Variants in DSG1 observed in about 807,000 individuals in gnomAD.
DSG1 encodes desmoglein-1.
A neutral mutation model predicts 97.5 loss-of-function variants in DSG1; 39 were observed. That is an observed-to-expected ratio of 0.40 (90% CI 0.31 to 0.52). The LOEUF (loss-of-function observed/expected upper bound fraction) is 0.52. DSG1 is among the 20% of genes least tolerant of loss of function. The pLI is 0.53. For missense variants in DSG1, 1,311 were observed against 1,295.4 expected (o/e 1.01, Z -0.18); for synonymous variants, 475 against 443.4 (o/e 1.07, Z -0.90).
At position 31,355,103 on chromosome 18, in the gene DSG1, G is replaced by T. The variant is rs766364666; in HGVS notation, c.2907G>T (p.Gly969=). 6.2e-7 allele frequency: 1 copy of T among 1,614,090 alleles called. No homozygotes were observed. The highest frequency in any genetic ancestry group is 1.1e-5 in the South Asian group (1 of 91,080). The stretch of plus-strand genomic sequence containing the variant: ...TAACTGGAATTAGTGGCACCACTGG[G>T]ATCAGCGGTGGCATAGGCAGCAGTG... ...AGVTGISGTT[G]ISGGIGSSGL... The change falls in exon 15 of 15, where the codon GGG becomes GGT. Residue 969 remains glycine, a synonymous_variant. Transcript: ENST00000257192.
intron 1 of DSG1, among the ~76,000 whole-genome samples, chr18:31,325,187 T>A (rs2071678409): frequency 9.9e-5 from 15 of 152,158 alleles, no homozygotes; most frequent in Admixed American, 9.8e-4. Context: ...CAAATCCAGT[T>A]GAGAGTCTGA....
In DSG1 at chr18:31,354,865, C is replaced by G; in HGVS notation, c.2669C>G (p.Ser890Trp). The G allele has an allele frequency of 6.2e-7, 1 of 1,614,034 alleles. No homozygotes were observed. Among genetic ancestry groups the G allele is most frequent in the Non-Finnish European group, 8.5e-7 (1 of 1,180,016 alleles). Reference sequence around the variant, plus strand: ...GAGATGCCTGACTTGCGAGATGGGTCGAATGTTATAGTGACAGAAAGGGTA... The same window carrying G: ...GAGATGCCTGACTTGCGAGATGGGTGGAATGTTATAGTGACAGAAAGGGTA... ...MLEMPDLRDG[S>W]NVIVTERVIA... The change falls in exon 15 of 15, where the codon TCG becomes TGG. Residue 890 changes from serine (S) to tryptophan (W), a missense_variant. This residue lies in a region of DSG1 where 1,038 missense variants were observed against 964.6 expected (regional missense o/e 1.08). Coordinates refer to ENST00000257192, the MANE Select transcript of DSG1 (RefSeq NM_001942.4).
intron 14 of DSG1, among the ~76,000 whole-genome samples, chr18:31,348,588 G>A (rs1362422304): frequency 1.3e-5 from 2 of 151,460 alleles, no homozygotes; most frequent in Non-Finnish European, 2.9e-5. Flanking sequence ...CCCACCAACA[G>A]TGTAAAAGTG....
intron 14 of DSG1, among the ~76,000 whole-genome samples, chr18:31,348,482 C>T (rs1204848722): frequency 2.0e-5 from 3 of 150,712 alleles, no homozygotes; most frequent in Non-Finnish European, 4.4e-5. Context: ...GGGTATATAC[C>T]CAGTAATAGG....
Position 31,343,955 on chromosome 18 carries a change from A to C in DSG1, c.1851A>C (p.Pro617=). Residue 617 remains proline, a synonymous_variant, in exon 13 of 15, where the codon CCA becomes CCC. Transcript: ENST00000257192. ...RDITTVIPQI[P]PDNANIIECI... is the part of the protein sequence containing the mutation. ...TAACCACTGTCATACCACAAATACCACCTGATAACGCAAATATAATTGAAT... is the reference window on the plus strand; with the variant it reads ...TAACCACTGTCATACCACAAATACCCCCTGATAACGCAAATATAATTGAAT... The C allele has an allele frequency of 6.2e-7, 1 of 1,613,406 alleles. No individual in the cohort carries two copies. The highest frequency in any genetic ancestry group is 8.5e-7 in the Non-Finnish European group (1 of 1,179,526).
Position 31,354,969 on chromosome 18 carries a change from A to G in DSG1, c.2773A>G (p.Arg925Gly). 6.2e-7 allele frequency: 1 copy of G among 1,614,230 alleles called. No homozygotes were observed. The highest frequency in any genetic ancestry group is 8.5e-7 in the Non-Finnish European group (1 of 1,180,020). ...RESSNVVVTERVIQPTSGMIG... is the reference protein window; with the variant it reads ...RESSNVVVTEGVIQPTSGMIG... The stretch of plus-strand genomic sequence containing the variant: ...GTCTTCAAATGTGGTAGTGACAGAA[A>G]GAGTAATCCAACCAACTTCCGGCAT... The change falls in exon 15 of 15, where the codon AGA becomes GGA. Residue 925 changes from arginine (R) to glycine (G), a missense_variant. Transcript: ENST00000257192.
Position 31,334,057 on chromosome 18 carries a change from T to G in DSG1, c.860T>G (p.Leu287Trp). The G allele has an allele frequency of 6.2e-7, 1 of 1,610,812 alleles. No homozygotes were observed. Among genetic ancestry groups the G allele is most frequent in the Non-Finnish European group, 8.5e-7 (1 of 1,177,282 alleles). ...EIQENTLNSN[L>W]LEIRVIDLDE... The stretch of plus-strand genomic sequence containing the variant: ...CAAGAAAATACTCTAAATTCAAATT[T>G]GCTCGAGATTAGAGTAATTGATTTG... The change falls in exon 8 of 15, where the codon TTG becomes TGG. Residue 287 changes from leucine (L) to tryptophan (W), a missense_variant. Coordinates refer to ENST00000257192, the MANE Select transcript of DSG1 (RefSeq NM_001942.4).
At chr18:31,331,521 G>A (rs2071720837) in intron 5 of DSG1, among the ~76,000 whole-genome samples, 180 bp from the exon 6 acceptor site, 1 of 152,028 alleles carries the variant, frequency 6.6e-6, no homozygotes, top group African/African-American at 2.4e-5. Flanking sequence ...TGATCTTCTT[G>A]TTAGGCAAAG....
rs896871045 is a variant in DSG1, at chr18:31,355,353, C to T, written c.*7C>T. ...CGTGCAATATAGCAAGTAGTCAGGA[C>T]CCCAGCTCACTTTTTCATAGTCATT... On this transcript the variant is annotated 3_prime_UTR_variant, in exon 15 of 15. Transcript: ENST00000257192. 2 of 1,613,462 alleles carry T rather than the reference C, an allele frequency of 1.2e-6. No individual in the cohort carries two copies. Among genetic ancestry groups the T allele is most frequent in the Admixed American group, 1.7e-5 (1 of 60,000 alleles).
At chr18:31,327,217 T>A (rs888810396) in intron 3 of DSG1, among the ~76,000 whole-genome samples, 1 of 152,082 alleles carries the variant, frequency 6.6e-6, no homozygotes, top group Admixed American at 6.6e-5. Context: ...ACTCACCTCA[T>A]TGGTGAAATG....
intron 13 of DSG1, 129 bp downstream of exon 13, chr18:31,344,124 T>A: frequency 1.4e-6 from 1 of 717,122 alleles, no homozygotes; most frequent in Non-Finnish European, 2.3e-6. Flanking sequence ...TTTAAATGAC[T>A]AACTTGTAAA....
chr18:31,339,602 C>A, intron 10 of DSG1, 142 bp from the exon 11 acceptor site: 2 of 541,036 alleles, frequency 3.7e-6, no homozygotes, highest in Non-Finnish European at 6.2e-6. Context: ...GAGTCAAAAA[C>A]AAGGGATGAT....
rs370045313 is a variant in DSG1, at chr18:31,318,884, A to G, written c.48+536A>G. On this transcript the variant is annotated intron_variant, in intron 1 of 14. Transcript: ENST00000257192. The stretch of plus-strand genomic sequence containing the variant: ...TTTGGTTAGAATCTGTATCACTACT[A>G]TAAAAAGCCCCGCACTATTTAACTA... 1.0e-3 allele frequency among the ~76,000 whole-genome samples: 155 copies of G among 152,290 alleles called. 1 individual carries two copies. Among genetic ancestry groups the G allele is most frequent in the African/African-American group, 3.6e-3 (150 of 41,572 alleles).
chr18:31,348,567 T>C (rs28749783), intron 14 of DSG1, among the ~76,000 whole-genome samples: 74,714 of 149,824 alleles, frequency 0.5, 20,104 homozygotes, highest in East Asian at 0.83. Flanking sequence ...ATGGTTGAAC[T>C]AGTTTACAGT....
intron 1 of DSG1, 93 bp downstream of exon 1, chr18:31,318,441 C>A: frequency 1.0e-6 from 1 of 978,482 alleles, no homozygotes; most frequent in Non-Finnish European, 1.7e-6. Context: ...TATTTCTAAC[C>A]TAAACCCATT....
At chr18:31,324,464 A>G (rs192272309) in intron 1 of DSG1, among the ~76,000 whole-genome samples, 1 of 152,236 alleles carries the variant, frequency 6.6e-6, no homozygotes. Flanking sequence ...TCAAATCTAC[A>G]TATCCAGCTT....
At chr18:31,343,792 G>T in intron 12 of DSG1, 134 bp from the exon 13 acceptor site, 1 of 1,148,798 alleles carries the variant, frequency 8.7e-7, no homozygotes, top group Non-Finnish European at 1.3e-6. Flanking sequence ...ATTTTAAATG[G>T]ATTTCAGAAT....
At chr18:31,333,797 C>T in intron 7 of DSG1, 74 bp downstream of exon 7, 2 of 1,548,114 alleles carry the variant, frequency 1.3e-6, no homozygotes, top group South Asian at 1.1e-5. Context: ...ATTCTGCTTA[C>T]AGAGGCACAT....
chr18:31,327,142 T>C (rs909022066), intron 3 of DSG1, 137 bp downstream of exon 3: 4 of 1,140,352 alleles, frequency 3.5e-6, no homozygotes, highest in African/African-American at 1.6e-5. Context: ...ACCTAGATGA[T>C]GAAAACTGAA....
Sources: gnomAD v4.1 joint callset for allele counts (sites outside exome capture counted in the v4.1 genomes callset) on GRCh38, gnomAD v4.1.1 for gene constraint, gnomAD v4.1.1 regional missense constraint, MANE v1.5 for transcripts, NCBI Gene and HGNC (gene_info 2026-07-23, HGNC 2026-07-21) for gene names.